The following THSD7A variants were observed in gnomAD, a reference collection of about 807,000 sequenced individuals.
THSD7A encodes thrombospondin type 1 domain containing 7A.
In THSD7A, 96 loss-of-function variants were observed where a neutral mutation model predicts 231.3. The observed-to-expected ratio is 0.41, with a 90% CI of 0.35 to 0.49. The LOEUF is 0.49. Among genes scored for constraint, THSD7A ranks in the 20% least tolerant of loss-of-function variants. THSD7A has a pLI of 0.05. For synonymous variants in THSD7A, 940 were observed against 743.3 expected (o/e 1.26, Z -4.30); for missense variants, 2,290 against 2,070.2 (o/e 1.11, Z -2.06).
intron 6 of THSD7A, among the ~76,000 whole-genome samples, chr7:11,516,350 A>G (rs1412711442): frequency 6.6e-6 from 1 of 152,192 alleles, no homozygotes; most frequent in African/African-American, 2.4e-5. Context: ...TGATTAAGCT[A>G]ATGTCCGTGT....
intron 4 of THSD7A, among the ~76,000 whole-genome samples, chr7:11,589,054 G>C (rs1158983054): frequency 6.6e-6 from 1 of 152,170 alleles, no homozygotes; most frequent in African/African-American, 2.4e-5. Context: ...GGGAGGGGCA[G>C]AGAAGCCATC....
In THSD7A at chr7:11,543,023, T is replaced by G; in HGVS notation, c.1548A>C (p.Ser516=). Residue 516 remains serine, a synonymous_variant, in exon 5 of 28, where the codon TCA becomes TCC. Coordinates refer to ENST00000423059, the MANE Select transcript of THSD7A (RefSeq NM_015204.3). The part of the protein sequence containing the change: ...HIPCPTECEV[S]PWSAWGPCTY... ...TACAAGGTCCCCAAGCTGACCAAGG[T>G]GAAACTTCACATTCAGTTGGACAAG... 1 of 1,613,880 alleles carries G rather than the reference T, an allele frequency of 6.2e-7. No homozygotes were observed. The highest frequency in any genetic ancestry group is 8.5e-7 in the Non-Finnish European group (1 of 1,179,832).
At chr7:11,815,138 T>C (rs762296568) in intron 1 of THSD7A, among the ~76,000 whole-genome samples, 1 of 152,060 alleles carries the variant, frequency 6.6e-6, no homozygotes, top group South Asian at 2.1e-4. Context: ...TTAAGCTTCA[T>C]ATTTTTGAAG....
At chr7:11,666,122 G>A (rs188473629) in intron 1 of THSD7A, among the ~76,000 whole-genome samples, 1 of 152,150 alleles carries the variant, frequency 6.6e-6, no homozygotes, top group African/African-American at 2.4e-5. Flanking sequence ...AGTGCCTGTA[G>A]GTGTTCAAGT....
chr7:11,737,026 C>T (rs1362309080), intron 1 of THSD7A, among the ~76,000 whole-genome samples: 1 of 152,024 alleles, frequency 6.6e-6, no homozygotes, highest in Admixed American at 6.6e-5. Context: ...GACATGTTTG[C>T]TTTCCCTTCT....
chr7:11,438,925 T>C (rs186147480), intron 13 of THSD7A, among the ~76,000 whole-genome samples: 1 of 152,142 alleles, frequency 6.6e-6, no homozygotes, highest in African/African-American at 2.4e-5. Context: ...CCTCAATACT[T>C]TGACAGATAT....
rs371368351 is a variant in THSD7A, at chr7:11,590,655, A to T, written c.1272-14T>A. Reference sequence around the variant, plus strand: ...CTCCAGCCATACCTAAATAAAGACAACACCACCAGCAGCAACCATAATTAT... The same window carrying T: ...CTCCAGCCATACCTAAATAAAGACATCACCACCAGCAGCAACCATAATTAT... On this transcript the variant is annotated splice_polypyrimidine_tract_variant and intron_variant, in intron 3 of 27. Transcript: ENST00000423059. The surrounding 1 kb of genome is among the most constrained non-coding windows in gnomAD (Gnocchi z 4.4). The T allele has an allele frequency of 6.3e-7, 1 of 1,587,898 alleles. No homozygotes were observed. The highest frequency in any genetic ancestry group is 8.6e-7 in the Non-Finnish European group (1 of 1,166,684).
Position 11,413,046 on chromosome 7 carries a change from T to C in THSD7A, c.3538-246A>G, listed in dbSNP as rs140751322. Among the ~76,000 whole-genome samples the C allele has an allele frequency of 7.8e-3, 1,185 of 152,110 alleles. 16 individuals are homozygous for C. Among genetic ancestry groups the C allele is most frequent in the African/African-American group, 0.027 (1,134 of 41,516 alleles). On this transcript the variant is annotated intron_variant, in intron 17 of 27. Transcript: ENST00000423059. ...TAATACACACATCACCTCACACCTA[T>C]ACACAGCCACACATATGGTGGTCAT... is the stretch of plus-strand genomic sequence containing the variant.
At chr7:11,788,260 C>T (rs1268984455) in intron 1 of THSD7A, among the ~76,000 whole-genome samples, 2 of 152,066 alleles carry the variant, frequency 1.3e-5, no homozygotes, top group African/African-American at 4.8e-5. Context: ...TTTCTTGATG[C>T]TTCTGCCACA....
chr7:11,541,328 A>C (rs1789136952), intron 6 of THSD7A, 91 bp downstream of exon 6: 1 of 1,215,960 alleles, frequency 8.2e-7, no homozygotes, highest in Admixed American at 2.0e-5. Flanking sequence ...AATCAGTTAT[A>C]ATGCGAGAAG....
intron 4 of THSD7A, among the ~76,000 whole-genome samples, chr7:11,576,422 T>A (rs994273636): frequency 3.9e-5 from 6 of 152,062 alleles, no homozygotes; most frequent in Non-Finnish European, 1.5e-5. Context: ...TACATATTTT[T>A]ACAGAAGACA....
chr7:11,579,403 C>A (rs992951855), intron 4 of THSD7A, among the ~76,000 whole-genome samples: 6 of 151,930 alleles, frequency 3.9e-5, no homozygotes, highest in Non-Finnish European at 7.4e-5. Context: ...CAGTGCACAT[C>A]CCTGAGTGCT....
intron 4 of THSD7A, among the ~76,000 whole-genome samples, chr7:11,588,707 T>A (rs1780022765): frequency 6.6e-6 from 1 of 152,162 alleles, no homozygotes; most frequent in Non-Finnish European, 1.5e-5. Flanking sequence ...CTACAGGACA[T>A]AATTGACATT....
intron 1 of THSD7A, among the ~76,000 whole-genome samples, chr7:11,747,643 C>G (rs187214442): frequency 6.6e-6 from 1 of 151,896 alleles, no homozygotes; most frequent in Non-Finnish European, 1.5e-5. Flanking sequence ...AAATGACTAT[C>G]TAGCATGGAT....
At chr7:11,494,516 A>G (rs1332907647) in intron 6 of THSD7A, among the ~76,000 whole-genome samples, 1 of 152,028 alleles carries the variant, frequency 6.6e-6, no homozygotes, top group African/African-American at 2.4e-5. Context: ...TTAAAAATCT[A>G]TTAGTTATAC....
chr7:11,744,877 G>A (rs13312263), intron 1 of THSD7A, among the ~76,000 whole-genome samples: 2 of 151,974 alleles, frequency 1.3e-5, no homozygotes, highest in Non-Finnish European at 1.5e-5. Flanking sequence ...AGTCTTTGCT[G>A]TTGTGAGTAG....
At position 11,712,642 on chromosome 7, in the gene THSD7A, G is replaced by A. The variant is rs143493450; in HGVS notation, c.191-75681C>T. Among the ~76,000 whole-genome samples the A allele has an allele frequency of 6.7e-3, 1,012 of 151,144 alleles. 5 individuals carry two copies. The highest frequency in any genetic ancestry group is 0.023 in the African/African-American group (964 of 41,386). ...TATGCTTGACCCAAATGAACTTGAT[G>A]TAAGCAGAATCTCAGATTTGTTGCC... On this transcript the variant is annotated intron_variant, in intron 1 of 27. Coordinates refer to ENST00000423059, the MANE Select transcript of THSD7A (RefSeq NM_015204.3).
At chr7:11,501,532 T>C (rs1385457910) in intron 6 of THSD7A, among the ~76,000 whole-genome samples, 1 of 152,200 alleles carries the variant, frequency 6.6e-6, no homozygotes, top group Non-Finnish European at 1.5e-5. Flanking sequence ...GAATGGCTTT[T>C]GGGTAAATAC....
chr7:11,528,890 G>T (rs1169637181), intron 6 of THSD7A, among the ~76,000 whole-genome samples: 12 of 152,004 alleles, frequency 7.9e-5, no homozygotes, highest in African/African-American at 2.7e-4. Context: ...TTAACACAAG[G>T]CTAAGTACCA....
Sources: gnomAD v4.1 joint callset for allele counts (sites outside exome capture counted in the v4.1 genomes callset) on GRCh38, gnomAD v4.1.1 for gene constraint, Gnocchi (gnomAD v3.1) non-coding constraint, MANE v1.5 for transcripts, NCBI Gene and HGNC (gene_info 2026-07-23, HGNC 2026-07-21) for gene names.